SERPINA12: variants seen among roughly 807,000 people sequenced by gnomAD.
The protein encoded by SERPINA12 is serpin A12.
Under a neutral mutation model 25.9 loss-of-function variants are expected in SERPINA12, and 21 were observed. The observed-to-expected ratio is 0.81, with a 90% CI of 0.58 to 1.17. SERPINA12 has a LOEUF of 1.17. SERPINA12 is among the 50% of genes most tolerant of loss of function. SERPINA12 has a pLI of 0.00. For synonymous variants in SERPINA12, 220 were observed against 196.0 expected (o/e 1.12, Z -1.02); for missense variants, 562 against 508.3 (o/e 1.11, Z -1.02).
intron 1 of SERPINA12, among the ~76,000 whole-genome samples, chr14:94,502,456 T>C (rs1487421478): frequency 2.0e-5 from 3 of 152,118 alleles, no homozygotes; most frequent in Non-Finnish European, 4.4e-5. Flanking sequence ...GACAGCAGAC[T>C]CAACAATAAT....
intron 4 of SERPINA12, among the ~76,000 whole-genome samples, chr14:94,489,385 C>T (rs1900054774): frequency 6.6e-6 from 1 of 152,198 alleles, no homozygotes; most frequent in South Asian, 2.1e-4. Context: ...ACGTTTGCTA[C>T]ATTGAATTGA....
At chr14:94,489,306 C>T (rs771895148) in intron 4 of SERPINA12, among the ~76,000 whole-genome samples, 137 of 152,206 alleles carry the variant, frequency 9.0e-4, no homozygotes, top group Admixed American at 2.4e-3. Flanking sequence ...ACGGATGTGG[C>T]CTTTGAGAGA....
upstream of SERPINA12, among the ~76,000 whole-genome samples, chr14:94,511,076 C>CAAAAAACCAAAAA (rs1220566052): frequency 6.6e-6 from 1 of 151,970 alleles, no homozygotes; most frequent in Non-Finnish European, 1.5e-5. Context: ...CCACCTGTAC[C>CAAAAAACCAAAAA]CCAAAAACTC....
chr14:94,494,523 G>A (rs1300231381), intron 3 of SERPINA12, among the ~76,000 whole-genome samples: 1 of 146,226 alleles, frequency 6.8e-6, no homozygotes, highest in Non-Finnish European at 1.5e-5. Flanking sequence ...GGCATTCCAA[G>A]AGCGCTGCCA....
At chr14:94,493,428 C>T (rs1159826471) in intron 3 of SERPINA12, among the ~76,000 whole-genome samples, 2 of 152,184 alleles carry the variant, frequency 1.3e-5, no homozygotes, top group African/African-American at 4.8e-5. Context: ...TTCTATGGCC[C>T]TCCTGGTGGG....
rs1165568357 is a variant in SERPINA12 at position 94,487,382 on chromosome 14, G to T, written c.1166C>A (p.Pro389His). 6.2e-7 allele frequency: 1 copy of T among 1,614,006 alleles called. No individual in the cohort carries two copies. Among genetic ancestry groups the T allele is most frequent in the Admixed American group, 1.7e-5 (1 of 60,020 alleles). ...ETPLVVKIDK[P>H]YLLLIYSEKI... ...CTCGCTGTAAATCAGCAGCAGATAG[G>T]GTTTGTCTATCTTGACGACGAGTGG... The change falls in exon 5 of 5, where the codon CCC becomes CAC. Residue 389 changes from proline to histidine, a missense_variant. Physicochemically the swap from Pro to His is moderately conservative, Grantham distance 77 (BLOSUM62 -2). Transcript: ENST00000677451.
In SERPINA12 at chr14:94,498,372, A is replaced by G. The variant is rs752881385; in HGVS notation, c.26T>C (p.Ile9Thr). ...CACCGTGAGGAGAACAGCCAGAAAAATGGCCAGGCCTAGTGTGGGGTTCAT... is the reference window on the plus strand; with the variant it reads ...CACCGTGAGGAGAACAGCCAGAAAAGTGGCCAGGCCTAGTGTGGGGTTCAT... The part of the protein sequence containing the change: MNPTLGLA[I>T]FLAVLLTVKG... The change falls in exon 2 of 5, where the codon ATT (isoleucine) becomes ACT (threonine). Residue 9 changes from isoleucine (I) to threonine (T), a missense_variant. Ile to Thr is a moderately conservative substitution (Grantham distance 89). Coordinates refer to ENST00000677451, the MANE Select transcript of SERPINA12 (RefSeq NM_001382267.1). The G allele has an allele frequency of 8.1e-6, 13 of 1,613,974 alleles. No homozygotes were observed. The South Asian group carries it at 1.4e-4, about 18-fold the overall frequency.
intron 1 of SERPINA12, among the ~76,000 whole-genome samples, chr14:94,505,609 G>A (rs1900903098): frequency 6.6e-6 from 1 of 152,198 alleles, no homozygotes; most frequent in African/African-American, 2.4e-5. Context: ...GAGCCAGTGA[G>A]GTGGACACTG....
upstream of SERPINA12, chr14:94,510,074 T>A: frequency 1.0e-6 from 1 of 985,394 alleles, no homozygotes; most frequent in Non-Finnish European, 1.2e-6. Flanking sequence ...CCTGGGCCTG[T>A]GGTCTGGGTA....
intron 1 of SERPINA12, chr14:94,504,048 C>T (rs1385761338): frequency 3.3e-5 from 5 of 152,272 alleles, no homozygotes; most frequent in African/African-American, 1.2e-4. Context: ...GACAGTGCTA[C>T]ATCCTCCCTC....
intron 3 of SERPINA12, 151 bp from the exon 4 acceptor site, chr14:94,489,918 C>T: frequency 1.3e-6 from 1 of 744,786 alleles, no homozygotes; most frequent in Non-Finnish European, 2.2e-6. Flanking sequence ...GCTCCTTAAC[C>T]CTGGGACCCT....
chr14:94,489,736 T>C lies in SERPINA12; in HGVS notation c.937A>G (p.Met313Val). The change falls in exon 4 of 5, where the codon ATG becomes GTG. Residue 313 changes from methionine to valine, a missense_variant. Coordinates refer to ENST00000677451, the MANE Select transcript of SERPINA12 (RefSeq NM_001382267.1). The stretch of plus-strand genomic sequence containing the variant: ...TTCTTCAGGTCGAAGGTGCCCGTCA[T>C]GTGGAGTCTGGGTACAGACACGTCT... ...VVDVSVPRLH[M>V]TGTFDLKKTL... is the part of the protein sequence containing the mutation. 1 of 1,614,184 alleles carries C rather than the reference T, an allele frequency of 6.2e-7. No individual in the cohort carries two copies. Among genetic ancestry groups the C allele is most frequent in the Non-Finnish European group, 8.5e-7 (1 of 1,180,012 alleles).
At position 94,497,948 on chromosome 14, in the gene SERPINA12, A is replaced by C; in HGVS notation, c.450T>G (p.Phe150Leu). The change falls in exon 2 of 5, where the codon TTT becomes TTG. Residue 150 changes from phenylalanine to leucine, a missense_variant. By Grantham distance (22) the Phe-to-Leu change is conservative. Coordinates refer to ENST00000677451, the MANE Select transcript of SERPINA12 (RefSeq NM_001382267.1). ...IDQRLQPQRK[F>L]LEDAKNFYSA... Reference sequence around the variant, plus strand: ...TGTAAAAGTTCTTGGCATCTTCCAAAAACTTACGCTGTGGCTGCAGCCTCT... The same window carrying C: ...TGTAAAAGTTCTTGGCATCTTCCAACAACTTACGCTGTGGCTGCAGCCTCT... 1 of 1,614,156 alleles carries C rather than the reference A, an allele frequency of 6.2e-7. No individual in the cohort carries two copies. Among genetic ancestry groups the C allele is most frequent in the Non-Finnish European group, 8.5e-7 (1 of 1,180,038 alleles).
chr14:94,494,220 G>A (rs561579377), intron 3 of SERPINA12, among the ~76,000 whole-genome samples: 11 of 152,286 alleles, frequency 7.2e-5, no homozygotes, highest in Admixed American at 1.3e-4. Context: ...ACACCCCCCA[G>A]TTCCCTAGGG....
At chr14:94,505,766 C>A (rs915898704) in intron 1 of SERPINA12, among the ~76,000 whole-genome samples, 1 of 152,202 alleles carries the variant, frequency 6.6e-6, no homozygotes, top group South Asian at 2.1e-4. Flanking sequence ...GGGAGACATG[C>A]AGGAAGAGGC....
intron 1 of SERPINA12, among the ~76,000 whole-genome samples, chr14:94,502,176 T>A (rs1217119360): frequency 6.6e-6 from 1 of 152,022 alleles, no homozygotes; most frequent in African/African-American, 2.4e-5. Flanking sequence ...CACATGAAGC[T>A]ATAGTCAGTA....
chr14:94,497,349 G>A (rs1900475442), intron 2 of SERPINA12, among the ~76,000 whole-genome samples: 1 of 152,234 alleles, frequency 6.6e-6, no homozygotes, highest in Non-Finnish European at 1.5e-5. Context: ...TTAAAGTGCT[G>A]GAAAGCACAC....
chr14:94,491,289 AAAAT>A (rs2139846064), intron 3 of SERPINA12, among the ~76,000 whole-genome samples: 1 of 152,338 alleles, frequency 6.6e-6, no homozygotes, highest in Admixed American at 6.5e-5. Context: ...GCTATGGAAA[AAAAT>A]AAATAGATTG....
At chr14:94,490,929 C>T (rs1357819882) in intron 3 of SERPINA12, among the ~76,000 whole-genome samples, 3 of 152,166 alleles carry the variant, frequency 2.0e-5, no homozygotes, top group African/African-American at 4.8e-5. Context: ...CCATCTCTAC[C>T]GGTGACACTG....
Sources: gnomAD v4.1 joint callset for allele counts (sites outside exome capture counted in the v4.1 genomes callset) on GRCh38, gnomAD v4.1.1 for gene constraint, MANE v1.5 for transcripts, NCBI Gene and HGNC (gene_info 2026-07-23, HGNC 2026-07-21) for gene names.